RIN3: variants seen among roughly 807,000 people sequenced by gnomAD.
RIN3 encodes the protein RAB5 interacting protein 3.
A neutral mutation model predicts 76.3 loss-of-function variants in RIN3; 54 were observed. The ratio of observed to expected loss-of-function variants is 0.71; its 90% CI spans 0.57 to 0.89. The LOEUF is 0.89. Ranked by LOEUF, RIN3 falls within the 40% of genes least tolerant of loss-of-function variation. The pLI, the probability that RIN3 is intolerant of heterozygous loss-of-function variation, is 0.00. For missense variants in RIN3, 1,256 were observed against 1,322.1 expected (o/e 0.95, Z 0.78); for synonymous variants, 576 against 564.0 (o/e 1.02, Z -0.30).
intron 1 of RIN3, among the ~76,000 whole-genome samples, chr14:92,528,311 T>C (rs1041957737): frequency 1.3e-5 from 2 of 152,028 alleles, no homozygotes; most frequent in Admixed American, 6.5e-5. Context: ...GGACATTGAG[T>C]GGTAGAACAG....
chr14:92,647,476 C>T (rs7150776), intron 5 of RIN3, among the ~76,000 whole-genome samples: 26,871 of 152,128 alleles, frequency 0.18, 2,974 homozygotes, highest in Admixed American at 0.28. Flanking sequence ...TTTAATACTT[C>T]AAAAATATGT....
At position 92,577,484 on chromosome 14, in the gene RIN3, A is replaced by T. The variant is rs747871558; in HGVS notation, c.367+7A>T. On this transcript the variant is annotated splice_region_variant and intron_variant, in intron 3 of 9. Coordinates refer to ENST00000216487, the MANE Select transcript of RIN3 (RefSeq NM_024832.5). The stretch of plus-strand genomic sequence containing the variant: ...ATTAAGGAAGAAAAGTCGAGTAAGT[A>T]CCCATCTTCTCTGTTTTCACTTTGA... 6.3e-7 allele frequency: 1 copy of T among 1,579,094 alleles called. No homozygotes were observed. The highest frequency in any genetic ancestry group is 2.2e-5 in the East Asian group (1 of 44,574).
At position 92,652,716 on chromosome 14, in the gene RIN3, A is replaced by G; in HGVS notation, c.1667A>G (p.Glu556Gly). The part of the protein sequence containing the change: ...DQDSYSTSST[E>G]EELEQFSSPS... ...GACTCCTACTCCACCAGCAGCACGG[A>G]GGAGGAGCTGGAGCAGTTCAGCAGC... The change falls in exon 6 of 10, where the codon GAG becomes GGG. Residue 556 changes from glutamate to glycine, a missense_variant. Transcript: ENST00000216487. The surrounding 1 kb of genome is among the most constrained non-coding windows in gnomAD (Gnocchi z 6.4). 1 of 1,613,624 alleles carries G rather than the reference A, an allele frequency of 6.2e-7. No individual in the cohort carries two copies. Among genetic ancestry groups the G allele is most frequent in the Non-Finnish European group, 8.5e-7 (1 of 1,180,032 alleles).
chr14:92,561,159 T>TATATTTA (rs1897767427), intron 2 of RIN3, among the ~76,000 whole-genome samples: 1 of 134,792 alleles, frequency 7.4e-6, no homozygotes, highest in Non-Finnish European at 1.6e-5. Flanking sequence ...ATATATATAT[T>TATATTTA]TATATATATA....
chr14:92,537,634 C>CTTTTTTTTTTTTTTTTTT lies in RIN3; in HGVS notation c.45-18107_45-18090dup, dbSNP rs576683908. Among the ~76,000 whole-genome samples the CTTTTTTTTTTTTTTTTTT allele has an allele frequency of 1.1e-3, 59 of 51,634 alleles. 6 individuals are homozygous for CTTTTTTTTTTTTTTTTTT. Among genetic ancestry groups the CTTTTTTTTTTTTTTTTTT allele is most frequent in the South Asian group, 1.9e-3 (2 of 1,036 alleles). 33.9% of individuals were successfully genotyped at this position (51,634 alleles called of 152,430 possible). ...CAGCTATAAGTGAGTGCCTTAGGGACTTTTTTTTTTTTTTTTTTTTTTTTT... is the reference window on the plus strand; with the variant it reads ...CAGCTATAAGTGAGTGCCTTAGGGACTTTTTTTTTTTTTTTTTTTTTTTTTTTTTTTTTTTTTTTTTTT... On this transcript the variant is annotated intron_variant, in intron 1 of 9. Transcript: ENST00000216487.
At chr14:92,676,369 G>A in intron 7 of RIN3, 106 bp from the exon 8 acceptor site, 1 of 1,305,130 alleles carries the variant, frequency 7.7e-7, no homozygotes, top group East Asian at 2.3e-5. Context: ...CCTCTTCCAG[G>A]GATCGCCATC....
intron 9 of RIN3, chr14:92,687,561 C>G (rs1268304159): frequency 1.3e-5 from 4 of 298,110 alleles, no homozygotes; most frequent in African/African-American, 2.3e-5. Context: ...GCCCTCCGTG[C>G]CCAGCATTGC....
chr14:92,620,622 A>T (rs1886140490), intron 4 of RIN3, among the ~76,000 whole-genome samples: 1 of 152,230 alleles, frequency 6.6e-6, no homozygotes, highest in Non-Finnish European at 1.5e-5. Flanking sequence ...TCATAGTTTT[A>T]TACATATGGA....
rs759876141 is a variant in RIN3 at position 92,623,409 on chromosome 14, G to A, written c.440+7930G>A. ...GCATCCCTAGTGTAATTAATAAATC[G>A]CTGCTGGTTATAATAGATGTAATTT... On this transcript the variant is annotated intron_variant, in intron 4 of 9. Transcript: ENST00000216487. The surrounding 1 kb of genome is among the most constrained non-coding windows in gnomAD (Gnocchi z 4.9). Among the ~76,000 whole-genome samples, 21 of 152,052 alleles carry A rather than the reference G, an allele frequency of 1.4e-4. No homozygotes were observed. Among genetic ancestry groups the A allele is most frequent in the Non-Finnish European group, 2.8e-4 (19 of 68,026 alleles).
At chr14:92,539,660 A>G (rs935249049) in intron 1 of RIN3, among the ~76,000 whole-genome samples, 2 of 152,110 alleles carry the variant, frequency 1.3e-5, no homozygotes, top group African/African-American at 4.8e-5. Flanking sequence ...GGTCAGCAGG[A>G]CAGGCAGGCT....
At chr14:92,592,789 C>T (rs1885029571) in intron 3 of RIN3, among the ~76,000 whole-genome samples, 1 of 151,676 alleles carries the variant, frequency 6.6e-6, no homozygotes, top group South Asian at 2.1e-4. Flanking sequence ...GATTCTCCTA[C>T]CTCAGCTTCC....
Position 92,545,997 on chromosome 14 carries a change from C to G in RIN3, c.45-9754C>G, listed in dbSNP as rs1170352733. Among the ~76,000 whole-genome samples the G allele has an allele frequency of 4.0e-5, 6 of 151,830 alleles. No homozygotes were observed. The South Asian group carries it at 1.2e-3, about 32-fold the overall frequency. ...CCGGAGTGCAGTGGCATGATCTCGGCTCACTGCAACCTCTGCTTCCCGGGT... is the reference window on the plus strand; with the variant it reads ...CCGGAGTGCAGTGGCATGATCTCGGGTCACTGCAACCTCTGCTTCCCGGGT... On this transcript the variant is annotated intron_variant, in intron 1 of 9. Coordinates refer to ENST00000216487, the MANE Select transcript of RIN3 (RefSeq NM_024832.5).
chr14:92,680,690 C>T (rs182824280), intron 8 of RIN3, among the ~76,000 whole-genome samples: 1 of 152,168 alleles, frequency 6.6e-6, no homozygotes, highest in African/African-American at 2.4e-5. Context: ...GGAGCTGGGC[C>T]CTGCCTTCCA....
chr14:92,553,733 C>T (rs964011221), intron 1 of RIN3, among the ~76,000 whole-genome samples: 7 of 152,122 alleles, frequency 4.6e-5, no homozygotes, highest in Admixed American at 6.5e-5. Flanking sequence ...ATTTTCTCCC[C>T]GGGTACAGAC....
intron 4 of RIN3, 126 bp from the exon 5 acceptor site, chr14:92,641,112 A>G: frequency 1.4e-6 from 1 of 709,142 alleles, no homozygotes; most frequent in East Asian, 2.6e-5. Context: ...CCTCAGCTCC[A>G]GGGAAGCTTC....
intron 7 of RIN3, among the ~76,000 whole-genome samples, chr14:92,671,569 C>T (rs536649082): frequency 2.6e-5 from 4 of 152,222 alleles, no homozygotes; most frequent in South Asian, 2.1e-4. Flanking sequence ...GTGGGATTGT[C>T]GGTCAAGATT....
intron 8 of RIN3, among the ~76,000 whole-genome samples, chr14:92,679,237 C>T (rs1888581958): frequency 6.6e-6 from 1 of 152,230 alleles, no homozygotes; most frequent in Non-Finnish European, 1.5e-5. Context: ...CCCCCCAGCC[C>T]ACCTCTGGCC....
intron 5 of RIN3, among the ~76,000 whole-genome samples, chr14:92,649,142 C>A (rs141645862): frequency 6.6e-6 from 1 of 152,144 alleles, no homozygotes; most frequent in African/African-American, 2.4e-5. Context: ...AGCCGAGGAC[C>A]CCAGGAGGAG....
At chr14:92,576,471 G>A (rs1898236418) in intron 2 of RIN3, 3 of 1,203,832 alleles carry the variant, frequency 2.5e-6, no homozygotes, top group Non-Finnish European at 3.3e-6. Context: ...GCAGAAGCAA[G>A]TCTTCCTGCT....
Sources: gnomAD v4.1 joint callset for allele counts (sites outside exome capture counted in the v4.1 genomes callset) on GRCh38, gnomAD v4.1.1 for gene constraint, Gnocchi (gnomAD v3.1) non-coding constraint, MANE v1.5 for transcripts, NCBI Gene and HGNC (gene_info 2026-07-23, HGNC 2026-07-21) for gene names.